TBPL2: variants seen among roughly 807,000 people sequenced by gnomAD.
TBPL2 encodes TATA-box binding protein like 2.
TBPL2 carries 40 observed loss-of-function variants against 38.2 expected under a neutral mutation model. That is an observed-to-expected ratio of 1.05 (90% CI 0.81 to 1.36). TBPL2 has a LOEUF of 1.36. TBPL2 is among the 40% of genes most tolerant of loss of function. The pLI is 0.00. For synonymous variants in TBPL2, 169 were observed against 171.7 expected (o/e 0.98, Z 0.12); for missense variants, 461 against 456.7 (o/e 1.01, Z -0.09).
At chr14:55,426,782 A>T (rs1292198757) in intron 5 of TBPL2, among the ~76,000 whole-genome samples, 1 of 152,212 alleles carries the variant, frequency 6.6e-6, no homozygotes, top group African/African-American at 2.4e-5. Context: ...GGAAGATAGA[A>T]CAGGGATGGG....
intron 4 of TBPL2, among the ~76,000 whole-genome samples, chr14:55,431,547 G>T (rs1192682320): frequency 1.3e-5 from 2 of 152,110 alleles, no homozygotes; most frequent in Non-Finnish European, 2.9e-5. Context: ...TTCTATTGCT[G>T]AAATGAACAT....
chr14:55,420,103 C>G (rs1343706355), intron 6 of TBPL2, among the ~76,000 whole-genome samples: 1 of 152,186 alleles, frequency 6.6e-6, no homozygotes, highest in Non-Finnish European at 1.5e-5. Context: ...CAGACTCTTG[C>G]TCTGTTACCC....
chr14:55,427,195 A>G (rs566142161), intron 5 of TBPL2, among the ~76,000 whole-genome samples: 4 of 152,318 alleles, frequency 2.6e-5, no homozygotes, highest in African/African-American at 9.6e-5. Flanking sequence ...TAAAGAGGCA[A>G]CATGTCTTAC....
At chr14:55,429,766 CAAAAA>C (rs71131266) in intron 4 of TBPL2, among the ~76,000 whole-genome samples, 1 of 52,396 alleles carries the variant, frequency 1.9e-5, no homozygotes, top group Non-Finnish European at 3.2e-5. Flanking sequence ...AACTCCGTCT[CAAAAA>C]AAAAAAAAAA....
intron 3 of TBPL2, among the ~76,000 whole-genome samples, chr14:55,435,563 C>G (rs180676887): frequency 6.6e-6 from 1 of 152,058 alleles, no homozygotes; most frequent in Non-Finnish European, 1.5e-5. Context: ...AGTGAGCCAC[C>G]GTGCCCAGCC....
At chr14:55,440,552 G>C (rs780091559) in exon 1 of TBPL2, 5 of 1,586,552 alleles carry the variant, frequency 3.2e-6, no homozygotes, top group Non-Finnish European at 3.4e-6. Context: ...CCATTTATGA[G>C]CCTGGGGGCA....
exon 1 of TBPL2, chr14:55,440,451 G>C: frequency 6.2e-7 from 1 of 1,612,998 alleles, no homozygotes; most frequent in Admixed American, 1.7e-5. Flanking sequence ...CTGCTCCATG[G>C]ACCGTAATCC....
chr14:55,416,267 A>G (rs560840094), intron 6 of TBPL2, among the ~76,000 whole-genome samples: 54 of 152,308 alleles, frequency 3.5e-4, no homozygotes, highest in African/African-American at 1.3e-3. Flanking sequence ...ATATTAAACA[A>G]TCAGGGATGA....
At chr14:55,431,077 A>C (rs1885917686) in intron 4 of TBPL2, among the ~76,000 whole-genome samples, 1 of 152,194 alleles carries the variant, frequency 6.6e-6, no homozygotes, top group African/African-American at 2.4e-5. Context: ...TAACTACCTA[A>C]ATTTGATCTT....
rs189397609 is a variant in TBPL2 at position 55,431,050 on chromosome 14, C to T, written c.789-2076G>A. The stretch of plus-strand genomic sequence containing the variant: ...GAAAGTAGTTTAAAAATCTTAAAAT[C>T]TCACCCATACTGGTGTTAACTACCT... On this transcript the variant is annotated intron_variant, in intron 4 of 6. Coordinates refer to ENST00000247219, the Ensembl canonical transcript of TBPL2. 2.6e-5 allele frequency among the ~76,000 whole-genome samples: 4 copies of T among 152,298 alleles called. No homozygotes were observed. The East Asian group carries it at 7.7e-4, about 29-fold the overall frequency.
chr14:55,429,078 T>C (rs1180840464), intron 4 of TBPL2, 104 bp from the exon 5 acceptor site: 5 of 1,389,212 alleles, frequency 3.6e-6, no homozygotes, highest in Admixed American at 2.0e-5. Flanking sequence ...TATCTTTCAA[T>C]GTATACTATG....
At chr14:55,423,427 A>C (rs193167527) in intron 6 of TBPL2, among the ~76,000 whole-genome samples, 4 of 152,260 alleles carry the variant, frequency 2.6e-5, no homozygotes, top group Non-Finnish European at 5.9e-5. Flanking sequence ...AATTGTCTAC[A>C]GGTAAAAGCA....
At chr14:55,428,702 T>TG (rs1885872434) in intron 5 of TBPL2, 105 bp downstream of exon 5, 1 of 1,282,284 alleles carries the variant, frequency 7.8e-7, no homozygotes, top group Admixed American at 2.3e-5. Context: ...CCCCGCCTTT[T>TG]TTTTTTTAAT....
exon 1 of TBPL2, chr14:55,440,553 C>A: frequency 6.3e-7 from 1 of 1,585,122 alleles, no homozygotes; most frequent in Non-Finnish European, 8.6e-7. Flanking sequence ...CATTTATGAG[C>A]CTGGGGGCAG....
chr14:55,415,606 TG>T (rs1885656611), intron 6 of TBPL2, among the ~76,000 whole-genome samples: 2 of 152,216 alleles, frequency 1.3e-5, no homozygotes, highest in Non-Finnish European at 2.9e-5. Flanking sequence ...GGCTCACACC[TG>T]TAATCCCAGC....
In TBPL2 at chr14:55,430,794, C is replaced by G. The variant is rs371908523; in HGVS notation, c.789-1820G>C. 2.0e-5 allele frequency among the ~76,000 whole-genome samples: 3 copies of G among 152,340 alleles called. 1 individual carries two copies. Among genetic ancestry groups the G allele is most frequent in the African/African-American group, 7.2e-5 (3 of 41,570 alleles). On this transcript the variant is annotated intron_variant, in intron 4 of 6. Transcript: ENST00000247219. ...CTTCTCACTCTTGAAATGTCCTTAG[C>G]AAGGCCATGTCCCCAGGTTAGCAGT...
chr14:55,418,692 A>G (rs1242239514), intron 6 of TBPL2, among the ~76,000 whole-genome samples: 4 of 152,162 alleles, frequency 2.6e-5, no homozygotes, highest in Non-Finnish European at 5.9e-5. Context: ...CAATGACACA[A>G]CTTCTTAGTT....
At chr14:55,432,929 G>C (rs531470646) in intron 4 of TBPL2, among the ~76,000 whole-genome samples, 16 of 152,174 alleles carry the variant, frequency 1.1e-4, no homozygotes, top group Admixed American at 3.3e-4. Flanking sequence ...CTCAAGGAAT[G>C]TCTAATTGAG....
chr14:55,428,489 C>T (rs1158865897), intron 5 of TBPL2, among the ~76,000 whole-genome samples: 1 of 152,110 alleles, frequency 6.6e-6, no homozygotes, highest in East Asian at 1.9e-4. Context: ...TGACCAGTAG[C>T]ACTGTCATCA....
Sources: allele counts gnomAD v4.1 joint callset (sites outside exome capture counted in the v4.1 genomes callset), GRCh38; gene constraint gnomAD v4.1.1; transcripts MANE v1.5; gene names NCBI Gene and HGNC (gene_info 2026-07-23, HGNC 2026-07-21).